The following CHLSN variants were observed in gnomAD, a reference collection of about 807,000 sequenced individuals.
CHLSN encodes protein cholesin.
the CHLSN span, among the ~76,000 whole-genome samples, chr7:1,040,865 C>T: frequency 6.6e-6 from 1 of 152,192 alleles, no homozygotes; most frequent in Non-Finnish European, 1.5e-5. Context: ...AACGAGAAGG[C>T]GCAGCTCGGA....
chr7:1,101,284 G>A, the CHLSN span, among the ~76,000 whole-genome samples: 16 of 152,278 alleles, frequency 1.1e-4, no homozygotes, highest in African/African-American at 2.9e-4. Flanking sequence ...CCAAAGGCAC[G>A]CAGAACAAAC....
the CHLSN span, among the ~76,000 whole-genome samples, chr7:1,005,803 C>T: frequency 3.9e-5 from 6 of 152,178 alleles, no homozygotes; most frequent in African/African-American, 7.2e-5. Flanking sequence ...TGGGGGACCC[C>T]GTCCCGGCTG....
At chr7:1,108,923 G>A in the CHLSN span, among the ~76,000 whole-genome samples, 11 of 142,576 alleles carry the variant, frequency 7.7e-5, no homozygotes, top group Non-Finnish European at 1.5e-4. Flanking sequence ...TTGAGACGGA[G>A]TCTCGCTCTG....
the CHLSN span, among the ~76,000 whole-genome samples, chr7:1,110,704 C>G: frequency 6.6e-6 from 1 of 152,106 alleles, no homozygotes; most frequent in Non-Finnish European, 1.5e-5. Context: ...TAAACACAAA[C>G]AGCCCAACTG....
At chr7:1,044,581 C>A in the CHLSN span, 9 of 150,664 alleles carry the variant, frequency 6.0e-5, no homozygotes, top group African/African-American at 1.9e-4. Context: ...GCGGCGTGCG[C>A]GCCGTGAGCC....
chr7:1,117,253 C>T, the CHLSN span, among the ~76,000 whole-genome samples: 2 of 65,052 alleles, frequency 3.1e-5, no homozygotes, highest in Admixed American at 2.8e-4. Context: ...ATCACTACAG[C>T]TCTACGGACC....
chr7:1,046,485 C>T, the CHLSN span, among the ~76,000 whole-genome samples: 1 of 152,188 alleles, frequency 6.6e-6, no homozygotes, highest in African/African-American at 2.4e-5. Flanking sequence ...GTCCAGTTAG[C>T]CCACATCTGT....
the CHLSN span, among the ~76,000 whole-genome samples, chr7:1,049,197 CCCA>C: frequency 6.6e-6 from 1 of 152,184 alleles, no homozygotes; most frequent in Admixed American, 6.5e-5. Context: ...CCCACCCTGC[CCCA>C]CGTTTCCCCT....
At chr7:1,023,543 A>G in the CHLSN span, among the ~76,000 whole-genome samples, 2 of 150,126 alleles carry the variant, frequency 1.3e-5, no homozygotes, top group Admixed American at 6.6e-5. The surrounding 1 kb of genome is among the most constrained non-coding windows in gnomAD (Gnocchi z 5.0). Context: ...CCTACTCCAC[A>G]TTTCTCTCCA....
At chr7:1,067,256 G>C in the CHLSN span, among the ~76,000 whole-genome samples, 1,953 of 129,834 alleles carry the variant, frequency 0.015, 44 homozygotes, top group African/African-American at 0.056. Context: ...GTCTGTTGGT[G>C]GAGGCTGGAG....
the CHLSN span, among the ~76,000 whole-genome samples, chr7:1,049,952 C>A: frequency 6.6e-6 from 1 of 152,202 alleles, no homozygotes; most frequent in Non-Finnish European, 1.5e-5. Context: ...GCAGCCACCC[C>A]ACCCCACCCC....
chr7:1,001,714 T>C, the CHLSN span, among the ~76,000 whole-genome samples: 160 of 69,038 alleles, frequency 2.3e-3, no homozygotes, highest in Middle Eastern at 0.012. Flanking sequence ...GGGAGTCCTG[T>C]GGGTTAGTGG....
the CHLSN span, among the ~76,000 whole-genome samples, chr7:1,117,683 C>G: frequency 1.3e-5 from 2 of 148,662 alleles, no homozygotes; most frequent in Non-Finnish European, 3.0e-5. Context: ...TGCAGGATGA[C>G]ATCACTACAG....
the CHLSN span, chr7:988,798 C>A: frequency 1.9e-6 from 3 of 1,590,232 alleles, no homozygotes; most frequent in Non-Finnish European, 1.7e-6. Flanking sequence ...GGGCCCAGGC[C>A]CTGTGTGCGG....
chr7:1,063,038 C>T, the CHLSN span, among the ~76,000 whole-genome samples: 15,165 of 152,150 alleles, frequency 0.1, 955 homozygotes, highest in Middle Eastern at 0.21. Context: ...CAAGCCTGAG[C>T]GTGTGAGTGC....
the CHLSN span, among the ~76,000 whole-genome samples, chr7:1,049,036 C>T: frequency 3.9e-5 from 6 of 152,082 alleles, no homozygotes; most frequent in East Asian, 7.7e-4. Context: ...CTCCCCAGGC[C>T]TCCGCTGTCT....
At chr7:1,084,045 C>T in the CHLSN span, among the ~76,000 whole-genome samples, 1 of 152,244 alleles carries the variant, frequency 6.6e-6, no homozygotes. Context: ...GCAAGTCTGT[C>T]TGAGGGGAGG....
the CHLSN span, among the ~76,000 whole-genome samples, chr7:1,037,487 C>T: frequency 7.3e-6 from 1 of 137,110 alleles, no homozygotes; most frequent in African/African-American, 2.6e-5. Flanking sequence ...CGCGAGTGAT[C>T]CCGCCAACCT....
At chr7:989,053 G>C in the CHLSN span, 1 of 470,806 alleles carries the variant, frequency 2.1e-6, no homozygotes, top group Non-Finnish European at 3.8e-6. Flanking sequence ...CTCAGTCCCT[G>C]CCAGCCCCCA....
Sources: gnomAD v4.1 joint callset for allele counts (sites outside exome capture counted in the v4.1 genomes callset) on GRCh38, gnomAD v4.1.1 for gene constraint, Gnocchi (gnomAD v3.1) non-coding constraint, MANE v1.5 for transcripts, NCBI Gene and HGNC (gene_info 2026-07-23, HGNC 2026-07-21) for gene names.